The following NRXN3 variants were observed in gnomAD, a reference collection of about 807,000 sequenced individuals.
NRXN3 encodes the protein neurexin III.
NRXN3 carries 32 observed loss-of-function variants against 137.6 expected under a neutral mutation model. That is an observed-to-expected ratio of 0.23 (90% CI 0.18 to 0.31). NRXN3 has a LOEUF of 0.31. Among genes scored for constraint, NRXN3 ranks in the 10% least tolerant of loss-of-function variants. The pLI is 1.00. For missense variants in NRXN3, 1,574 were observed against 2,062.5 expected, an observed-to-expected ratio of 0.76 and a Z score of 4.59; for synonymous variants, 798 against 784.5, an observed-to-expected ratio of 1.02 and a Z score of -0.29.
intron 2 of NRXN3, among the ~76,000 whole-genome samples, chr14:78,245,024 T>G (rs1596320910): frequency 6.6e-6 from 1 of 152,196 alleles, no homozygotes; most frequent in Admixed American, 6.5e-5. Context: ...ACGGCTTAGA[T>G]TTGGGTAGCA....
chr14:79,457,047 T>TAA (rs879869277), intron 15 of NRXN3, among the ~76,000 whole-genome samples: 5 of 132,464 alleles, frequency 3.8e-5, no homozygotes, highest in Non-Finnish European at 4.9e-5. Flanking sequence ...GTTCCAGGTT[T>TAA]AAAAAAAAAA....
Position 79,796,014 on chromosome 14 carries a change from C to T in NRXN3, c.4015-9098C>T, listed in dbSNP as rs1025921968. On this transcript the variant is annotated intron_variant, in intron 19 of 20. Transcript: ENST00000335750. ...TAAATTTCCCTTATAATGGTTAGAC[C>T]CTAAATACTCAAAATGAGTATTTGT... is the stretch of plus-strand genomic sequence containing the variant. Among the ~76,000 whole-genome samples the T allele has an allele frequency of 2.0e-5, 3 of 152,026 alleles. No individual in the cohort carries two copies. The East Asian group carries it at 5.8e-4, about 29-fold the overall frequency.
Position 78,494,797 on chromosome 14 carries a change from T to G in NRXN3, c.758-150323T>G, listed in dbSNP as rs974191875. On this transcript the variant is annotated intron_variant, in intron 4 of 20. Coordinates refer to ENST00000335750, the MANE Select transcript of NRXN3 (RefSeq NM_001330195.2). Reference sequence around the variant, plus strand: ...TTGGTATTAAAAATTAACACAGACTTTTTGTTGTCTGTCATCCCATCATTT... The same window carrying G: ...TTGGTATTAAAAATTAACACAGACTGTTTGTTGTCTGTCATCCCATCATTT... Among the ~76,000 whole-genome samples, 3 of 152,098 alleles carry G rather than the reference T, an allele frequency of 2.0e-5. No homozygotes were observed. The South Asian group carries it at 6.2e-4, about 32-fold the overall frequency.
At chr14:78,230,128 G>C (rs770803965) in intron 1 of NRXN3, among the ~76,000 whole-genome samples, 11 of 152,092 alleles carry the variant, frequency 7.2e-5, no homozygotes, top group Non-Finnish European at 1.5e-4. Context: ...GAACTCAAGT[G>C]ATCCTCCCGC....
chr14:78,387,059 G>C (rs1338035145), intron 4 of NRXN3, among the ~76,000 whole-genome samples: 1 of 152,062 alleles, frequency 6.6e-6, no homozygotes, highest in Non-Finnish European at 1.5e-5. Context: ...GGGATTACAG[G>C]TGTGAGCCAC....
At chr14:78,358,034 AG>A (rs1431482118) in intron 4 of NRXN3, among the ~76,000 whole-genome samples, 1 of 152,140 alleles carries the variant, frequency 6.6e-6, no homozygotes. Flanking sequence ...AGGTGAGTTG[AG>A]GGGGTTGAGA....
intron 19 of NRXN3, among the ~76,000 whole-genome samples, chr14:79,713,475 A>AATAT (rs1321126686): frequency 3.6e-5 from 4 of 110,998 alleles, no homozygotes; most frequent in Non-Finnish European, 5.6e-5. Flanking sequence ...AGATATATAT[A>AATAT]ATGTATATAT....
chr14:79,375,413 T>C lies in NRXN3; in HGVS notation c.3263-91808T>C, dbSNP rs1001926539. Among the ~76,000 whole-genome samples the C allele has an allele frequency of 2.0e-5, 3 of 151,718 alleles. No homozygotes were observed. The East Asian group carries it at 5.9e-4, about 30-fold the overall frequency. ...GAGAAAATAAGGAATGGATCGTACA[T>C]GCTCATGCACTGTCTGGGGCACTCC... On this transcript the variant is annotated intron_variant, in intron 15 of 20. Transcript: ENST00000335750.
intron 4 of NRXN3, among the ~76,000 whole-genome samples, chr14:78,376,676 C>CA (rs2087912115): frequency 6.6e-6 from 1 of 152,064 alleles, no homozygotes. Context: ...TCTACACAGG[C>CA]AAAAAAGCCC....
intron 8 of NRXN3, among the ~76,000 whole-genome samples, chr14:78,788,849 G>GT: frequency 6.6e-6 from 1 of 152,070 alleles, no homozygotes; most frequent in Admixed American, 6.6e-5. Context: ...TCCCAACAAG[G>GT]TTTTACCATG....
At chr14:78,591,942 G>T (rs1216071419) in intron 4 of NRXN3, among the ~76,000 whole-genome samples, 2 of 152,122 alleles carry the variant, frequency 1.3e-5, no homozygotes, top group African/African-American at 4.8e-5. Flanking sequence ...GTAGGAAGCA[G>T]GTGCATTGGA....
chr14:79,504,798 C>A (rs956663703), intron 16 of NRXN3, among the ~76,000 whole-genome samples: 6 of 151,436 alleles, frequency 4.0e-5, no homozygotes, highest in Admixed American at 2.6e-4. Flanking sequence ...TCTCCCTTAT[C>A]AACTCTAGGG....
At chr14:78,629,069 C>G (rs1005109270) in intron 4 of NRXN3, among the ~76,000 whole-genome samples, 1 of 152,066 alleles carries the variant, frequency 6.6e-6, no homozygotes, top group Non-Finnish European at 1.5e-5. Context: ...AATACAAAGC[C>G]AGAGCTAAAG....
At chr14:79,225,286 T>A (rs146360413) in intron 15 of NRXN3, among the ~76,000 whole-genome samples, 47 of 152,272 alleles carry the variant, frequency 3.1e-4, no homozygotes, top group Admixed American at 3.0e-3. Context: ...CAAAGTAAGA[T>A]AAAACCAAAA....
chr14:79,331,355 G>T (rs1365234663), intron 15 of NRXN3, among the ~76,000 whole-genome samples: 2 of 152,020 alleles, frequency 1.3e-5, no homozygotes, highest in African/African-American at 2.4e-5. Context: ...AGGACTATTT[G>T]GTCAAATGTT....
At chr14:78,985,446 A>G (rs189871693) in intron 14 of NRXN3, among the ~76,000 whole-genome samples, 148 of 152,376 alleles carry the variant, frequency 9.7e-4, no homozygotes, top group African/African-American at 3.3e-3. Flanking sequence ...GACGCAGATA[A>G]TAATTGCTAT....
At chr14:79,706,673 G>A (rs919925323) in intron 19 of NRXN3, among the ~76,000 whole-genome samples, 3 of 152,054 alleles carry the variant, frequency 2.0e-5, no homozygotes, top group African/African-American at 4.8e-5. Flanking sequence ...GGCTCCTAGT[G>A]AGGCCCACTC....
intron 16 of NRXN3, among the ~76,000 whole-genome samples, chr14:79,549,340 G>T (rs2097351955): frequency 1.3e-5 from 2 of 152,072 alleles, no homozygotes; most frequent in South Asian, 4.1e-4. Flanking sequence ...GTGATCTTTG[G>T]CAGTTTCTAG....
chr14:78,282,555 C>G (rs1004593888), intron 3 of NRXN3: 27 of 167,670 alleles, frequency 1.6e-4, no homozygotes, highest in Admixed American at 1.1e-3. Flanking sequence ...GGAAATAGGC[C>G]TCCTGCTTCC....
Sources: gnomAD v4.1 joint callset for allele counts (sites outside exome capture counted in the v4.1 genomes callset) on GRCh38, gnomAD v4.1.1 for gene constraint, MANE v1.5 for transcripts, NCBI Gene and HGNC (gene_info 2026-07-23, HGNC 2026-07-21) for gene names.